Variants in UBE4B observed in about 807,000 individuals in gnomAD.
UBE4B encodes ubiquitination factor E4B.
A neutral mutation model predicts 148.1 loss-of-function variants in UBE4B; 27 were observed. The observed-to-expected ratio is 0.18, with a 90% confidence interval of 0.13 to 0.25. The LOEUF is 0.25. Among genes scored for constraint, UBE4B ranks in the 10% least tolerant of loss-of-function variants. The pLI is 1.00. For missense variants in UBE4B, 1,170 were observed against 1,662.4 expected, an observed-to-expected ratio of 0.70 and a Z score of 5.15; for synonymous variants, 596 against 619.3, an observed-to-expected ratio of 0.96 and a Z score of 0.56.
intron 1 of UBE4B, among the ~76,000 whole-genome samples, chr1:10,039,147 A>G (rs527987414): frequency 4.6e-5 from 7 of 152,224 alleles, no homozygotes; most frequent in African/African-American, 1.7e-4. Context: ...ATAGATAGGA[A>G]TCCAACAGTT....
At chr1:10,075,811 G>C (rs1024347077) in intron 2 of UBE4B, among the ~76,000 whole-genome samples, 8 of 152,104 alleles carry the variant, frequency 5.3e-5, no homozygotes, top group African/African-American at 1.9e-4. Context: ...TAATACTTTG[G>C]GAAGCCAAGG....
intron 23 of UBE4B, among the ~76,000 whole-genome samples, chr1:10,166,968 CACA>C (rs1646259232): frequency 7.5e-6 from 1 of 133,404 alleles, no homozygotes; most frequent in African/African-American, 3.2e-5. Context: ...CACACACACA[CACA>C]AAAAAAAAAA....
At chr1:10,104,664 C>T (rs991661203) in intron 5 of UBE4B, among the ~76,000 whole-genome samples, 1 of 152,224 alleles carries the variant, frequency 6.6e-6, no homozygotes, top group South Asian at 2.1e-4. Flanking sequence ...TGAAACTCTG[C>T]TACTTGTTAT....
Position 10,174,657 on chromosome 1 carries a change from G to A in UBE4B, c.3525+3328G>A, listed in dbSNP as rs1249248756. Among the ~76,000 whole-genome samples the A allele has an allele frequency of 3.3e-5, 5 of 149,748 alleles. No individual in the cohort carries two copies. In the East Asian group the frequency reaches 7.8e-4, roughly 24 times the overall value. On this transcript the variant is annotated intron_variant, in intron 25 of 27. Transcript: ENST00000343090. Reference sequence around the variant, plus strand: ...GTGGAGGTTGCAGTGAGCCGAGATCGTGCCATTGCACTCCAGCTTGGGCAA... The same window carrying A: ...GTGGAGGTTGCAGTGAGCCGAGATCATGCCATTGCACTCCAGCTTGGGCAA...
intron 7 of UBE4B, among the ~76,000 whole-genome samples, chr1:10,117,091 T>C (rs1019090473): frequency 6.6e-6 from 1 of 152,178 alleles, no homozygotes; most frequent in East Asian, 1.9e-4. Flanking sequence ...AAGAGTTTGA[T>C]TACAGCAGTA....
intron 7 of UBE4B, among the ~76,000 whole-genome samples, chr1:10,113,607 A>C (rs959530367): frequency 1.3e-5 from 2 of 152,168 alleles, no homozygotes; most frequent in African/African-American, 4.8e-5. Context: ...ATTTAAGTTA[A>C]AATGAAGTCG....
intron 1 of UBE4B, among the ~76,000 whole-genome samples, chr1:10,037,946 C>T (rs1261103188): frequency 2.0e-5 from 3 of 152,312 alleles, no homozygotes; most frequent in South Asian, 2.1e-4. Flanking sequence ...CCTAGTTCAT[C>T]TGCAAGATGG....
chr1:10,058,720 C>T (rs74051807), intron 1 of UBE4B: 9,769 of 152,504 alleles, frequency 0.064, 436 homozygotes, highest in East Asian at 0.18. Context: ...GCTGGTGTGA[C>T]ACTGACCTGA....
At chr1:10,178,030 T>C (rs930762069) in intron 25 of UBE4B, among the ~76,000 whole-genome samples, 1 of 152,044 alleles carries the variant, frequency 6.6e-6, no homozygotes, top group Non-Finnish European at 1.5e-5. Context: ...CCTGGGGACA[T>C]AAATCGTGTC....
At chr1:10,128,294 T>G (rs1196745532) in intron 11 of UBE4B, 2 of 152,238 alleles carry the variant, frequency 1.3e-5, no homozygotes, top group African/African-American at 4.8e-5. Context: ...GCCTCCATTG[T>G]GGTAGACAGT....
chr1:10,101,884 G>A (rs1312923064), intron 4 of UBE4B, among the ~76,000 whole-genome samples: 1 of 152,038 alleles, frequency 6.6e-6, no homozygotes, highest in African/African-American at 2.4e-5. Flanking sequence ...ATTGAAGCAA[G>A]AATATGTAGA....
rs181082796 is a variant in UBE4B at position 10,119,156 on chromosome 1, C to T, written c.1339-357C>T. Among the ~76,000 whole-genome samples the T allele has an allele frequency of 8.5e-5, 13 of 152,254 alleles. No homozygotes were observed. In the East Asian group the frequency reaches 2.3e-3, roughly 27 times the overall value. The stretch of plus-strand genomic sequence containing the variant: ...TTGGCCTCCCAAAGTGCTGAGATTA[C>T]AGGCGTGAGCCACCGTGCCCGGCCC... On this transcript the variant is annotated intron_variant, in intron 8 of 27. Coordinates refer to ENST00000343090, the MANE Select transcript of UBE4B (RefSeq NM_001105562.3).
At chr1:10,122,586 T>C (rs1462157821) in intron 10 of UBE4B, among the ~76,000 whole-genome samples, 1 of 152,256 alleles carries the variant, frequency 6.6e-6, no homozygotes, top group African/African-American at 2.4e-5. Flanking sequence ...TGTTTTGGTA[T>C]CTCATTGTGT....
rs1178717281 is a variant in UBE4B, at chr1:10,033,441, A to G, written c.-230A>G. 2 of 398,018 alleles carry G rather than the reference A, an allele frequency of 5.0e-6. No homozygotes were observed. 24.7% of individuals were successfully genotyped at this position (398,018 alleles called of 1,614,324 possible). A position where few individuals can be genotyped will look rare whatever the true frequency, so the allele number is the denominator to read the frequency against. ...CAGTGGCGGCCAAAGGAGGCTGCTC[A>G]GGGAACAAGCGGCTGTAGTAGTCTG... On this transcript the variant is annotated 5_prime_UTR_variant, in exon 1 of 28. Coordinates refer to ENST00000343090, the MANE Select transcript of UBE4B (RefSeq NM_001105562.3).
chr1:10,097,075 AAATAG>A (rs1644942053), intron 3 of UBE4B, among the ~76,000 whole-genome samples: 1 of 151,428 alleles, frequency 6.6e-6, no homozygotes, highest in African/African-American at 2.4e-5. Context: ...AATAATAACC[AAATAG>A]AATATCTAGA....
rs546312027 is a variant in UBE4B at position 10,119,313 on chromosome 1, C to T, written c.1339-200C>T. On this transcript the variant is annotated intron_variant, in intron 8 of 27. Coordinates refer to ENST00000343090, the MANE Select transcript of UBE4B (RefSeq NM_001105562.3). ...TATAAGTTTGGTCACCTCAAACTTA[C>T]GCTTCTTTCTTCTCTGACATCAGTT... Among the ~76,000 whole-genome samples the T allele has an allele frequency of 5.3e-5, 8 of 152,322 alleles. No individual in the cohort carries two copies. In the East Asian group the frequency reaches 5.8e-4, roughly 11 times the overall value.
At chr1:10,083,337 T>G (rs1644714396) in intron 2 of UBE4B, among the ~76,000 whole-genome samples, 1 of 152,172 alleles carries the variant, frequency 6.6e-6, no homozygotes, top group African/African-American at 2.4e-5. Context: ...TGCCAGTGAT[T>G]GATGCAAGGC....
At chr1:10,083,097 T>C (rs1308519060) in intron 2 of UBE4B, among the ~76,000 whole-genome samples, 1 of 152,156 alleles carries the variant, frequency 6.6e-6, no homozygotes, top group Non-Finnish European at 1.5e-5. Context: ...CTATTGTAAA[T>C]AGTGCTATCG....
intron 4 of UBE4B, 39 bp from the exon 5 acceptor site, chr1:10,102,909 C>T (rs1390476308): frequency 1.3e-6 from 2 of 1,575,618 alleles, no homozygotes; most frequent in Non-Finnish European, 1.7e-6. Context: ...ACTCATACCT[C>T]TTATTTGAAA....
Sources: gnomAD v4.1 joint callset for allele counts (sites outside exome capture counted in the v4.1 genomes callset) on GRCh38, gnomAD v4.1.1 for gene constraint, MANE v1.5 for transcripts, NCBI Gene and HGNC (gene_info 2026-07-23, HGNC 2026-07-21) for gene names.